The following IL5 variants were observed in gnomAD, a reference collection of about 807,000 sequenced individuals.
The protein encoded by IL5 is interleukin 5, also known as interleukin-5.
A neutral mutation model predicts 16.3 loss-of-function variants in IL5; 12 were observed. That is an observed-to-expected ratio of 0.74 (90% CI 0.47 to 1.20). The LOEUF (loss-of-function observed/expected upper bound fraction) is 1.20, where lower values mean the gene tolerates loss of function less well. IL5 is among the 50% of genes most tolerant of loss of function. The pLI, the probability that IL5 is intolerant of heterozygous loss-of-function variation, is 0.00. For missense variants in IL5, 159 were observed against 153.9 expected (o/e 1.03, Z -0.17); for synonymous variants, 54 against 56.6 (o/e 0.95, Z 0.21).
chr5:132,543,630 T>G, upstream of IL5: 2 of 579,704 alleles, frequency 3.5e-6, no homozygotes, highest in Non-Finnish European at 5.5e-6. Context: ...TGAAACTAAA[T>G]GTTTCCAATG....
At chr5:132,548,505 C>T (rs115895152), upstream of IL5, among the ~76,000 whole-genome samples, 872 of 152,326 alleles carry the variant, frequency 5.7e-3, 4 homozygotes, top group African/African-American at 0.02. Flanking sequence ...CTTAGTTCCA[C>T]GTTATTTCAT....
chr5:132,555,249 T>G lies in IL5; in HGVS notation c.42+1425A>C, dbSNP rs141179738. 4.2e-3 allele frequency among the ~76,000 whole-genome samples: 634 copies of G among 152,246 alleles called. 5 individuals are homozygous for G. Among genetic ancestry groups the G allele is most frequent in the African/African-American group, 0.015 (606 of 41,544 alleles). On this transcript the variant is annotated intron_variant, in intron 1 of 2. Coordinates refer to the IL5 transcript ENST00000450655. ...AGGGGTTGGGGACTGAGCTGCAACA[T>G]GGATGAACCTTGAGGACATTATAAG...
At chr5:132,550,955 G>C (rs1292856489) in intron 1 of IL5, among the ~76,000 whole-genome samples, 2 of 152,212 alleles carry the variant, frequency 1.3e-5, no homozygotes, top group African/African-American at 2.4e-5. Flanking sequence ...TGTGGAAGGT[G>C]GGGGGTGATC....
chr5:132,542,675 AATT>A (rs1749717043), intron 2 of IL5, among the ~76,000 whole-genome samples: 1 of 152,216 alleles, frequency 6.6e-6, no homozygotes, highest in African/African-American at 2.4e-5. Flanking sequence ...AGTATGCAGA[AATT>A]ATTAATATAG....
chr5:132,541,812 C>T lies in IL5; in HGVS notation c.404G>A (p.Ter135=), dbSNP rs1165276242. ...TGGCTGCAACAAACCAGTTTAGTCT[C>T]AACTTTCTATTATCCACTCGGTGTT... ...VMNTEWIIES[*] The change falls in exon 4 of 4, where the codon TGA becomes TAA. Residue 135 remains the stop codon, a stop_retained_variant. Transcript: ENST00000231454. The T allele has an allele frequency of 1.9e-6, 3 of 1,606,754 alleles. No homozygotes were observed. In the Admixed American group the frequency reaches 5.0e-5, roughly 27 times the overall value.
upstream of IL5, chr5:132,543,545 C>G (rs1164786448): frequency 6.7e-7 from 1 of 1,485,740 alleles, no homozygotes; most frequent in Non-Finnish European, 9.0e-7. Context: ...CGTCCCCAGT[C>G]AATTTATTGT....
chr5:132,542,177 C>A, intron 2 of IL5, 34 bp from the exon 3 acceptor site: 1 of 1,589,490 alleles, frequency 6.3e-7, no homozygotes, highest in South Asian at 1.1e-5. Flanking sequence ...TGCAAATAAT[C>A]AAGACAAGGT....
rs142865560 is a variant in IL5, at chr5:132,541,904, C to G, written c.312G>C (p.Lys104Asn). ...TTACTCTCCGTCTTTCTTCTCCACA[C>G]TTTTTCTGTGAAAAAAGAAAAATGA... ...IKKYIDGQKK[K>N]CGEERRRVNQ... is the part of the protein sequence containing the mutation. Residue 104 changes from lysine to asparagine, a missense_variant, in exon 4 of 4, where the codon AAG becomes AAC. Coordinates refer to ENST00000231454, the MANE Select transcript of IL5 (RefSeq NM_000879.3). 1.6e-5 allele frequency: 26 copies of G among 1,613,560 alleles called. No homozygotes were observed. In the East Asian group the frequency reaches 4.5e-4, roughly 28 times the overall value.
upstream of IL5, among the ~76,000 whole-genome samples, chr5:132,547,834 C>G (rs1379035133): frequency 6.6e-6 from 1 of 152,122 alleles, no homozygotes; most frequent in African/African-American, 2.4e-5. Context: ...CTTTGGGAGG[C>G]TGAGGTGGGT....
chr5:132,548,541 G>A (rs1404624058), intron 1 of IL5, among the ~76,000 whole-genome samples: 2 of 152,130 alleles, frequency 1.3e-5, no homozygotes, highest in Non-Finnish European at 2.9e-5. Context: ...AAAAACAATC[G>A]CTTCCCAGCC....
At chr5:132,554,154 T>A (rs1749932788) in intron 1 of IL5, among the ~76,000 whole-genome samples, 1 of 151,418 alleles carries the variant, frequency 6.6e-6, no homozygotes. Context: ...GATCACAAGG[T>A]TAGGAGTTCG....
upstream of IL5, chr5:132,543,689 T>C (rs1428359391): frequency 2.5e-6 from 1 of 402,276 alleles, no homozygotes; most frequent in Admixed American, 4.0e-5. Context: ...ATAATAAAAA[T>C]CCCTGTTTCC....
upstream of IL5, among the ~76,000 whole-genome samples, chr5:132,545,408 T>TA (rs1356199174): frequency 6.6e-6 from 1 of 152,122 alleles, no homozygotes; most frequent in Non-Finnish European, 1.5e-5. Context: ...ATCCCAGCAC[T>TA]TTGGGAGGCT....
intron 1 of IL5, among the ~76,000 whole-genome samples, chr5:132,554,801 A>C (rs1376915825): frequency 6.6e-6 from 1 of 152,222 alleles, no homozygotes; most frequent in Non-Finnish European, 1.5e-5. Context: ...CCAAATGTCC[A>C]TCAATAGATG....
intron 1 of IL5, among the ~76,000 whole-genome samples, chr5:132,551,194 A>T (rs907079092): frequency 2.6e-5 from 4 of 152,240 alleles, no homozygotes; most frequent in African/African-American, 9.6e-5. Flanking sequence ...AATAAGACAT[A>T]TGCCTAAATT....
Position 132,541,574 on chromosome 5 carries a change from G to A in IL5, c.*237C>T, listed in dbSNP as rs899733515. On this transcript the variant is annotated 3_prime_UTR_variant, in exon 4 of 4. Transcript: ENST00000231454. Reference sequence around the variant, plus strand: ...TTTTACAGAATGTTAAGTTAAATAAGAAAAAAGTATATCAATTTTGCCTGG... The same window carrying A: ...TTTTACAGAATGTTAAGTTAAATAAAAAAAAAGTATATCAATTTTGCCTGG... 3 of 405,944 alleles carry A rather than the reference G, an allele frequency of 7.4e-6. No individual in the cohort carries two copies. The highest frequency in any genetic ancestry group is 8.7e-6 in the Non-Finnish European group (2 of 229,618). The allele number at this position is 405,944 out of a possible 1,614,324, so 25.1% of individuals were successfully genotyped here.
chr5:132,553,180 C>G (rs765808209), intron 1 of IL5, among the ~76,000 whole-genome samples: 1 of 152,132 alleles, frequency 6.6e-6, no homozygotes, highest in Non-Finnish European at 1.5e-5. Context: ...CTACAATAGT[C>G]TTTGCTTTAA....
chr5:132,545,018 T>C (rs1011634936), upstream of IL5, among the ~76,000 whole-genome samples: 2 of 152,232 alleles, frequency 1.3e-5, no homozygotes, highest in Non-Finnish European at 2.9e-5. Context: ...TGGTTAGATG[T>C]GTCTGATTTG....
chr5:132,547,025 CA>C (rs200878178), upstream of IL5, among the ~76,000 whole-genome samples: 2 of 151,266 alleles, frequency 1.3e-5, no homozygotes, highest in Non-Finnish European at 3.0e-5. Flanking sequence ...GACTCCATCT[CA>C]AAAAAAAGAA....
Sources: allele counts gnomAD v4.1 joint callset (sites outside exome capture counted in the v4.1 genomes callset), GRCh38; gene constraint gnomAD v4.1.1; transcripts MANE v1.5; gene names NCBI Gene and HGNC (gene_info 2026-07-23, HGNC 2026-07-21).